Variants in ADCY7 observed in about 807,000 individuals in gnomAD.
The protein encoded by ADCY7 is adenylate cyclase 7.
A neutral mutation model predicts 120.6 loss-of-function variants in ADCY7; 72 were observed. The observed-to-expected ratio is 0.60, with a 90% CI of 0.49 to 0.73. ADCY7 has a LOEUF of 0.73. ADCY7 is among the 30% of genes least tolerant of loss of function. The pLI is 0.00. For synonymous variants in ADCY7, 661 were observed against 628.0 expected, an observed-to-expected ratio of 1.05 and a Z score of -0.78; for missense variants, 1,227 against 1,486.0, an observed-to-expected ratio of 0.83 and a Z score of 2.87.
chr16:50,268,541 C>T (rs191791176), intron 1 of ADCY7, among the ~76,000 whole-genome samples: 362 of 152,310 alleles, frequency 2.4e-3, no homozygotes, highest in Non-Finnish European at 4.2e-3. Flanking sequence ...GCTGGGATTA[C>T]AAGCATGAGC....
At chr16:50,285,095 G>A (rs1457310300) in intron 1 of ADCY7, among the ~76,000 whole-genome samples, 1 of 152,234 alleles carries the variant, frequency 6.6e-6, no homozygotes, top group Non-Finnish European at 1.5e-5. Flanking sequence ...AGATTTAGAG[G>A]TTGTAAACTA....
chr16:50,252,807 A>G (rs1331162844), intron 1 of ADCY7, among the ~76,000 whole-genome samples: 1 of 152,248 alleles, frequency 6.6e-6, no homozygotes, highest in Non-Finnish European at 1.5e-5. Flanking sequence ...AAAGTACAGA[A>G]ACAATTCACA....
chr16:50,300,643 C>CCCCACACCTGGGAAGCT, intron 8 of ADCY7, 72 bp from the exon 9 acceptor site: 1 of 1,524,180 alleles, frequency 6.6e-7, no homozygotes, highest in Non-Finnish European at 8.8e-7. Flanking sequence ...CCTGTACCCA[C>CCCCACACCTGGGAAGCT]CCCACACCTG....
chr16:50,250,915 A>C (rs1331578386), intron 1 of ADCY7, among the ~76,000 whole-genome samples: 2 of 152,194 alleles, frequency 1.3e-5, no homozygotes, highest in Non-Finnish European at 2.9e-5. Flanking sequence ...AAGTTTTTTG[A>C]AAGTATTTCA....
At chr16:50,257,772 G>A (rs1450299483) in intron 1 of ADCY7, among the ~76,000 whole-genome samples, 6 of 149,482 alleles carry the variant, frequency 4.0e-5, no homozygotes, top group Admixed American at 1.3e-4. Flanking sequence ...TTTGAGACAG[G>A]GTGTCTGTTG....
chr16:50,283,652 G>A (rs1267012135), intron 1 of ADCY7, among the ~76,000 whole-genome samples: 1 of 152,234 alleles, frequency 6.6e-6, no homozygotes, highest in East Asian at 1.9e-4. Context: ...TCTTTAAAAT[G>A]GGGCTGCTCA....
At chr16:50,287,697 G>A (rs78605943) in intron 1 of ADCY7, among the ~76,000 whole-genome samples, 9 of 114,436 alleles carry the variant, frequency 7.9e-5, no homozygotes, top group African/African-American at 2.2e-4. Context: ...AAAAAAAAAA[G>A]CAGCCACATG....
At chr16:50,298,862 C>A in intron 7 of ADCY7, 42 bp from the exon 8 acceptor site, 1 of 1,594,296 alleles carries the variant, frequency 6.3e-7, no homozygotes. Context: ...GAGGTCCCAG[C>A]CCCACATCTT....
rs1055383372 is a variant in ADCY7, at chr16:50,311,864, G to A, written c.2448+78G>A. ...CTCCATCTGGAGATGGGGTGGGGTG[G>A]GGTGGGCTCAGGTGGAGTAGCAGAA... On this transcript the variant is annotated intron_variant, in intron 20 of 25. Transcript: ENST00000673801. 5.4e-5 allele frequency: 75 copies of A among 1,393,582 alleles called. No individual in the cohort carries two copies. In the Middle Eastern group the frequency reaches 6.4e-4, roughly 12 times the overall value. The allele number at this position is 1,393,582 out of a possible 1,614,324, so 86.3% of individuals were successfully genotyped here.
At chr16:50,283,680 G>C (rs532876497) in intron 1 of ADCY7, among the ~76,000 whole-genome samples, 1 of 152,202 alleles carries the variant, frequency 6.6e-6, no homozygotes, top group Non-Finnish European at 1.5e-5. Flanking sequence ...CTACCACTGG[G>C]GTGGTCGTGA....
intron 17 of ADCY7, 89 bp from the exon 18 acceptor site, chr16:50,309,459 C>T: frequency 9.3e-7 from 1 of 1,073,370 alleles, no homozygotes; most frequent in Non-Finnish European, 1.4e-6. Flanking sequence ...TGCTGTGATA[C>T]TCATGGTTGC....
At chr16:50,268,553 C>T (rs1230179857) in intron 1 of ADCY7, among the ~76,000 whole-genome samples, 5 of 152,130 alleles carry the variant, frequency 3.3e-5, no homozygotes, top group East Asian at 3.8e-4. Context: ...AGCATGAGCC[C>T]GACGCCCAGC....
Position 50,305,520 on chromosome 16 carries a change from G to A in ADCY7, c.1613G>A (p.Gly538Glu), listed in dbSNP as rs1345718369. Residue 538 changes from glycine (G) to glutamate (E), a missense_variant, in exon 13 of 26, where the codon GGG (glycine) becomes GAG (glutamate). Transcript: ENST00000673801. The part of the protein sequence containing the change: ...RTPDRSMSPK[G>E]RSEDDSYDDE... ...GATTCCAGAAGCATGTCCCCCAAGG[G>A]GCGGTCGGAGGATGACTCGTACGAT... 2.5e-6 allele frequency: 4 copies of A among 1,611,964 alleles called. No individual in the cohort carries two copies. In the African/African-American group the frequency reaches 4.0e-5, roughly 16 times the overall value.
intron 8 of ADCY7, 64 bp from the exon 9 acceptor site, chr16:50,300,651 C>T (rs2035652880): frequency 2.0e-6 from 3 of 1,534,660 alleles, no homozygotes; most frequent in Non-Finnish European, 2.6e-6. Flanking sequence ...CACCCCACAC[C>T]TGGGAGCTTC....
intron 4 of ADCY7, among the ~76,000 whole-genome samples, chr16:50,292,393 C>T (rs979556817): frequency 3.3e-5 from 5 of 152,246 alleles, no homozygotes; most frequent in African/African-American, 1.2e-4. Context: ...GCTGTGCCCT[C>T]TGGGACTGCC....
intron 2 of ADCY7, chr16:50,289,404 C>G: frequency 5.0e-6 from 2 of 396,880 alleles, no homozygotes; most frequent in South Asian, 3.7e-5. Context: ...AGGCACTTGC[C>G]TTGGTACAGC....
chr16:50,291,683 T>C, intron 3 of ADCY7, 53 bp from the exon 4 acceptor site: 2 of 1,610,162 alleles, frequency 1.2e-6, no homozygotes, highest in Admixed American at 3.3e-5. Context: ...CCGGGGGCTG[T>C]ACGGCCTGGG....
Position 50,317,414 on chromosome 16 carries a change from G to C in ADCY7, c.*1909G>C, listed in dbSNP as rs1279800725. 6.6e-6 allele frequency: 1 copy of C among 150,446 alleles called. No homozygotes were observed. The highest frequency in any genetic ancestry group is 1.9e-4 in the East Asian group (1 of 5,332). 9.3% of individuals were successfully genotyped at this position (150,446 alleles called of 1,614,324 possible). A position where few individuals can be genotyped will look rare whatever the true frequency, so the allele number is the denominator to read the frequency against. On this transcript the variant is annotated 3_prime_UTR_variant, in exon 26 of 26. Transcript: ENST00000673801. ...GGCGGGGGCTCTCCTGGCAAGTCAG[G>C]AAGGTTTCTGTTGCTAATATAACAT...
intron 10 of ADCY7, chr16:50,301,561 CGA>C (rs746808862): frequency 5.1e-5 from 12 of 234,600 alleles, no homozygotes; most frequent in Non-Finnish European, 8.4e-5. Flanking sequence ...CCCAGATTTC[CGA>C]GAGACACACT....
Sources: allele counts gnomAD v4.1 joint callset (sites outside exome capture counted in the v4.1 genomes callset), GRCh38; gene constraint gnomAD v4.1.1; transcripts MANE v1.5; gene names NCBI Gene and HGNC (gene_info 2026-07-23, HGNC 2026-07-21).